Variants in DNMBP observed in about 807,000 individuals in gnomAD.
DNMBP encodes the protein dynamin-binding protein.
Under a neutral mutation model 150.0 loss-of-function variants are expected in DNMBP, and 87 were observed. The observed-to-expected ratio is 0.58, with a 90% CI of 0.49 to 0.69. The LOEUF (loss-of-function observed/expected upper bound fraction) is 0.69, where lower values mean the gene tolerates loss of function less well. DNMBP is among the 30% of genes least tolerant of loss of function. The probability of loss-of-function intolerance (pLI) is 0.00; values close to 1 mark genes in which losing one functional copy is unlikely to be tolerated. For synonymous variants in DNMBP, 711 were observed against 750.4 expected (o/e 0.95, Z 0.86); for missense variants, 1,774 against 1,949.0 (o/e 0.91, Z 1.69).
intron 4 of DNMBP, among the ~76,000 whole-genome samples, chr10:99,914,959 T>C (rs149390103): frequency 0.026 from 3,881 of 151,200 alleles, 81 homozygotes; most frequent in Non-Finnish European, 0.035. Context: ...CCTGGTGTGG[T>C]GGCACACACT....
intron 1 of DNMBP, among the ~76,000 whole-genome samples, chr10:99,986,346 G>GA (rs1046247547): frequency 1.3e-5 from 2 of 150,590 alleles, no homozygotes; most frequent in East Asian, 2.0e-4. Flanking sequence ...CCCATCTCTG[G>GA]AAAAAAAAAT....
rs571023939 is a variant in DNMBP, at chr10:99,908,645, C to G, written c.2454+308G>C. On this transcript the variant is annotated intron_variant, in intron 5 of 16. Transcript: ENST00000324109. Reference sequence around the variant, plus strand: ...ACCCCCAGGTTTTGTTACATCATCACTCAGCCTTCTAGCAGGGCCACGATT... The same window carrying G: ...ACCCCCAGGTTTTGTTACATCATCAGTCAGCCTTCTAGCAGGGCCACGATT... Among the ~76,000 whole-genome samples, 3 of 152,296 alleles carry G rather than the reference C, an allele frequency of 2.0e-5. No individual in the cohort carries two copies. The South Asian group carries it at 6.2e-4, about 32-fold the overall frequency.
chr10:99,929,816 A>G (rs776176251), intron 4 of DNMBP: 24 of 702,788 alleles, frequency 3.4e-5, no homozygotes, highest in South Asian at 3.4e-4. Context: ...GAGTCTGCAG[A>G]CCATCCAGAA....
intron 1 of DNMBP, among the ~76,000 whole-genome samples, chr10:99,990,800 C>T (rs71496508): frequency 3.2e-5 from 3 of 93,842 alleles, no homozygotes; most frequent in Admixed American, 1.1e-4. Context: ...TATATACACA[C>T]ATATATACAC....
chr10:99,908,388 T>C (rs566519702), intron 5 of DNMBP, among the ~76,000 whole-genome samples: 1 of 152,212 alleles, frequency 6.6e-6, no homozygotes, highest in Non-Finnish European at 1.5e-5. Context: ...CAACATCCCG[T>C]AGCACTGCCT....
At chr10:99,998,808 T>C (rs963602059) in intron 1 of DNMBP, among the ~76,000 whole-genome samples, 4 of 152,084 alleles carry the variant, frequency 2.6e-5, no homozygotes, top group Admixed American at 2.6e-4. Flanking sequence ...TTTTAAGTCA[T>C]TAGAACCAAA....
intron 8 of DNMBP, 98 bp downstream of exon 8, chr10:99,898,645 G>T: frequency 7.5e-7 from 1 of 1,329,304 alleles, no homozygotes; most frequent in Non-Finnish European, 1.1e-6. Flanking sequence ...CTACTTCTAG[G>T]TTTGTCTATA....
chr10:99,876,851 G>T lies in DNMBP; in HGVS notation c.*300C>A. 3 of 288,894 alleles carry T rather than the reference G, an allele frequency of 1.0e-5. No individual in the cohort carries two copies. Among genetic ancestry groups the T allele is most frequent in the Non-Finnish European group, 1.9e-5 (3 of 157,498 alleles). The allele number at this position is 288,894 out of a possible 1,614,324, so 17.9% of individuals were successfully genotyped here. On this transcript the variant is annotated 3_prime_UTR_variant, in exon 17 of 17. Transcript: ENST00000324109. ...AGCTTCCTGCATACATAGGACACTG[G>T]GCTTCTGACTGCAAGTTTCTCCTTT... is the stretch of plus-strand genomic sequence containing the variant.
chr10:99,952,183 C>T (rs2040431687), intron 4 of DNMBP, among the ~76,000 whole-genome samples: 1 of 152,132 alleles, frequency 6.6e-6, no homozygotes, highest in South Asian at 2.1e-4. Flanking sequence ...GTGAGGCCTC[C>T]CCAACCATGT....
rs116296676 is a variant in DNMBP at position 99,886,508 on chromosome 10, C to T, written c.3410G>A (p.Arg1137Gln). The T allele has an allele frequency of 2.1e-4, 347 of 1,614,126 alleles. 2 individuals are homozygous for T. In the East Asian group the frequency reaches 5.9e-3, roughly 27 times the overall value. Residue 1137 changes from arginine to glutamine, a missense_variant, in exon 13 of 17, where the codon CGG becomes CAG. Arg to Gln is a conservative substitution (Grantham distance 43). Around this residue, in one of 2 missense-constraint regions of DNMBP, gnomAD observed 1,430 missense variants for 1,492.5 expected, o/e 0.96. Transcript: ENST00000324109. ...CTTCTTGTCCTTTAGCTTTTCTGCC[C>T]GTTCTGTACAGTTATAGAAGTCCAG... Reference protein sequence around the residue: ...KLLDFYNCTERAEKLKDKKTL... With the variant: ...KLLDFYNCTEQAEKLKDKKTL...
intron 4 of DNMBP, chr10:99,913,866 G>A (rs987144531): frequency 1.4e-5 from 17 of 1,249,842 alleles, no homozygotes; most frequent in Non-Finnish European, 1.6e-5. Flanking sequence ...TTGAGCTCCC[G>A]GCCAGATCCC....
intron 14 of DNMBP, 38 bp downstream of exon 14, chr10:99,885,649 C>A: frequency 2.6e-6 from 4 of 1,531,092 alleles, no homozygotes; most frequent in South Asian, 1.2e-5. Context: ...CCCCTCTTTA[C>A]CCCGAGGCGG....
intron 1 of DNMBP, among the ~76,000 whole-genome samples, chr10:99,987,770 T>C (rs572773069): frequency 1.3e-5 from 2 of 148,742 alleles, no homozygotes; most frequent in East Asian, 3.9e-4. Context: ...AAGAAACAGG[T>C]GGGAGATTTA....
rs752903910 is a variant in DNMBP, at chr10:99,896,245, C to G, written c.3051+22G>C. 1.2e-5 allele frequency: 19 copies of G among 1,612,810 alleles called. No homozygotes were observed. In the South Asian group the frequency reaches 2.0e-4, roughly 17 times the overall value. ...GAAAAGCTGTCAAAGATGCGCTAAG[C>G]CTTCCAGGATGGGGATCTCACCTGA... On this transcript the variant is annotated intron_variant, in intron 10 of 16. Transcript: ENST00000324109.
At chr10:99,990,936 C>T (rs1265997213) in intron 1 of DNMBP, among the ~76,000 whole-genome samples, 1 of 151,932 alleles carries the variant, frequency 6.6e-6, no homozygotes, top group African/African-American at 2.4e-5. Flanking sequence ...TTCTCTTCAT[C>T]TCATTTTTTA....
chr10:99,901,519 T>TC (rs1318460537), intron 6 of DNMBP, among the ~76,000 whole-genome samples: 1 of 152,164 alleles, frequency 6.6e-6, no homozygotes, highest in Non-Finnish European at 1.5e-5. Context: ...GTCATTTTTT[T>TC]CCCTATCCCC....
chr10:99,921,716 G>A (rs55841615), intron 4 of DNMBP, among the ~76,000 whole-genome samples: 8,981 of 150,470 alleles, frequency 0.06, 309 homozygotes, highest in Middle Eastern at 0.19. Context: ...ATACAAAAAC[G>A]TAGCTGGGTG....
rs751657437 is a variant in DNMBP at position 99,880,025 on chromosome 10, C to T, written c.4334G>A (p.Arg1445Lys). The stretch of plus-strand genomic sequence containing the variant: ...AGCTACATCTGCAGAGTCCCCTGAC[C>T]TTGGCTGGGAGGTGGAGTCTGGGTC... ...PSDPDSTSQP[R>K]SGDSADVARD... Residue 1445 changes from arginine (R) to lysine (K), a missense_variant, in exon 16 of 17, where the codon AGG becomes AAG. By Grantham distance (26) the Arg-to-Lys change is conservative (BLOSUM62 2). Transcript: ENST00000324109. The T allele has an allele frequency of 4.3e-6, 7 of 1,614,172 alleles. No homozygotes were observed. In the Admixed American group the frequency reaches 1.2e-4, roughly 27 times the overall value.
rs571928465 is a variant in DNMBP at position 99,980,775 on chromosome 10, G to A, written c.-10-8641C>T. ...AACAGTGTTTGTGCCACTCATTCCA[G>A]CCTGAGCCACAGAGTGAGACCCTGT... On this transcript the variant is annotated intron_variant, in intron 1 of 16. Transcript: ENST00000324109. Among the ~76,000 whole-genome samples the A allele has an allele frequency of 7.2e-5, 11 of 152,004 alleles. No individual in the cohort carries two copies. The East Asian group carries it at 2.1e-3, about 29-fold the overall frequency.
Sources: allele counts gnomAD v4.1 joint callset (sites outside exome capture counted in the v4.1 genomes callset), GRCh38; gene constraint gnomAD v4.1.1; regional missense constraint gnomAD v4.1.1; transcripts MANE v1.5; gene names NCBI Gene and HGNC (gene_info 2026-07-23, HGNC 2026-07-21).